CTNNA3: variants seen among roughly 807,000 people sequenced by gnomAD.
CTNNA3 encodes catenin alpha-3.
In CTNNA3, 76 loss-of-function variants were observed where a neutral mutation model predicts 95.7. The ratio of observed to expected loss-of-function variants is 0.79; its 90% confidence interval spans 0.66 to 0.96. The LOEUF (loss-of-function observed/expected upper bound fraction) is 0.96, where lower values mean the gene tolerates loss of function less well. Among genes scored for constraint, CTNNA3 ranks in the 40% least tolerant of loss-of-function variants. The pLI is 0.00. For synonymous variants in CTNNA3, 431 were observed against 374.4 expected (o/e 1.15, Z -1.74); for missense variants, 1,191 against 1,089.8 (o/e 1.09, Z -1.31).
chr10:66,709,454 T>A (rs1848221278), intron 9 of CTNNA3, among the ~76,000 whole-genome samples: 1 of 152,058 alleles, frequency 6.6e-6, no homozygotes, highest in Non-Finnish European at 1.5e-5. Flanking sequence ...CCCTTGGCAA[T>A]ATGGAAAGCC....
At chr10:67,698,072 T>C (rs898871444), upstream of CTNNA3, among the ~76,000 whole-genome samples, 3 of 152,232 alleles carry the variant, frequency 2.0e-5, no homozygotes, top group African/African-American at 7.2e-5. Context: ...ATCCTGGCCC[T>C]CTTCCAGATT....
At chr10:67,382,406 A>G (rs1291174514) in intron 5 of CTNNA3, among the ~76,000 whole-genome samples, 1 of 152,244 alleles carries the variant, frequency 6.6e-6, no homozygotes, top group East Asian at 1.9e-4. Flanking sequence ...TAGGATAAAT[A>G]CATGTATAAA....
At chr10:66,654,276 A>T (rs956063160) in intron 9 of CTNNA3, among the ~76,000 whole-genome samples, 8 of 152,000 alleles carry the variant, frequency 5.3e-5, no homozygotes, top group Admixed American at 2.0e-4. Context: ...TAACCCAATT[A>T]AAAAAATAGG....
chr10:65,978,703 C>A (rs569881239), intron 16 of CTNNA3, among the ~76,000 whole-genome samples: 1 of 152,124 alleles, frequency 6.6e-6, no homozygotes, highest in Non-Finnish European at 1.5e-5. Context: ...TGCCTACTCA[C>A]CTATTCAACT....
chr10:66,709,669 T>C (rs1564632344), intron 9 of CTNNA3, among the ~76,000 whole-genome samples: 3 of 152,154 alleles, frequency 2.0e-5, no homozygotes, highest in Admixed American at 1.3e-4. Flanking sequence ...TGGTGTTGTT[T>C]ATTACAAACA....
chr10:66,356,126 T>G (rs1482669129), intron 12 of CTNNA3, among the ~76,000 whole-genome samples: 15 of 145,228 alleles, frequency 1.0e-4, no homozygotes, highest in African/African-American at 3.8e-4. Flanking sequence ...TGTTTTGTTT[T>G]TTTTTTTTTT....
At chr10:66,901,970 G>C (rs1197711782) in intron 7 of CTNNA3, among the ~76,000 whole-genome samples, 4 of 152,150 alleles carry the variant, frequency 2.6e-5, no homozygotes, top group Non-Finnish European at 5.9e-5. Flanking sequence ...ACAGATCAAT[G>C]AGACAGAAGG....
At chr10:65,986,074 G>C (rs1220427603) in intron 16 of CTNNA3, among the ~76,000 whole-genome samples, 1 of 151,056 alleles carries the variant, frequency 6.6e-6, no homozygotes, top group Non-Finnish European at 1.5e-5. Flanking sequence ...AATGTCAAAA[G>C]TGTAATAAAA....
chr10:67,513,396 G>T (rs1839703655), intron 5 of CTNNA3, among the ~76,000 whole-genome samples: 1 of 152,228 alleles, frequency 6.6e-6, no homozygotes, highest in Non-Finnish European at 1.5e-5. Context: ...AACACTCAAA[G>T]AAGTTCACTC....
At chr10:66,048,168 G>A (rs1245944730) in intron 15 of CTNNA3, among the ~76,000 whole-genome samples, 1 of 152,112 alleles carries the variant, frequency 6.6e-6, no homozygotes, top group Non-Finnish European at 1.5e-5. Flanking sequence ...GAATAGCCAA[G>A]GCAATCCTAA....
intron 7 of CTNNA3, among the ~76,000 whole-genome samples, chr10:66,884,540 C>T (rs942667512): frequency 6.6e-6 from 1 of 152,090 alleles, no homozygotes; most frequent in African/African-American, 2.4e-5. Context: ...TGTGAATGAG[C>T]CATCTTGGAA....
At chr10:67,651,175 G>T (rs1839869067) in intron 1 of CTNNA3, among the ~76,000 whole-genome samples, 1 of 151,840 alleles carries the variant, frequency 6.6e-6, no homozygotes, top group Non-Finnish European at 1.5e-5. Context: ...TTTGTAAGGT[G>T]ATGGCTGATT....
At chr10:67,157,296 C>T (rs991797948) in intron 7 of CTNNA3, among the ~76,000 whole-genome samples, 6 of 152,008 alleles carry the variant, frequency 3.9e-5, no homozygotes, top group Non-Finnish European at 7.4e-5. Context: ...AATCAACATA[C>T]AAATAAGTAT....
chr10:66,885,931 A>G (rs188238625), intron 7 of CTNNA3, among the ~76,000 whole-genome samples: 113 of 152,262 alleles, frequency 7.4e-4, no homozygotes, highest in African/African-American at 2.6e-3. Flanking sequence ...CTGCCCAACC[A>G]ACTTTCTTCA....
chr10:66,981,651 T>A (rs921774041), intron 7 of CTNNA3, among the ~76,000 whole-genome samples: 4 of 152,252 alleles, frequency 2.6e-5, no homozygotes, highest in Non-Finnish European at 4.4e-5. Flanking sequence ...ACATATTGAA[T>A]GGCAGTAATG....
intron 7 of CTNNA3, among the ~76,000 whole-genome samples, chr10:67,100,631 CT>C (rs1470398016): frequency 6.6e-6 from 1 of 151,618 alleles, no homozygotes; most frequent in Non-Finnish European, 1.5e-5. Context: ...GAAATGTTTA[CT>C]TATGTTTGGA....
intron 11 of CTNNA3, among the ~76,000 whole-genome samples, chr10:66,513,659 A>G (rs1840739716): frequency 2.0e-5 from 3 of 152,140 alleles, no homozygotes. Flanking sequence ...TTTGGGGATC[A>G]GTGTTCATGG....
chr10:67,108,193 A>G (rs1377760847), intron 7 of CTNNA3, among the ~76,000 whole-genome samples: 1 of 152,208 alleles, frequency 6.6e-6, no homozygotes. Flanking sequence ...TTTCTGCCTT[A>G]AAAGTATAAA....
intron 7 of CTNNA3, among the ~76,000 whole-genome samples, chr10:66,966,637 G>C (rs1438228630): frequency 6.6e-6 from 1 of 152,028 alleles, no homozygotes; most frequent in Non-Finnish European, 1.5e-5. Flanking sequence ...CGGCGAGGGG[G>C]AAGCAGTGGC....
Sources: gnomAD v4.1 joint callset for allele counts (sites outside exome capture counted in the v4.1 genomes callset) on GRCh38, gnomAD v4.1.1 for gene constraint, MANE v1.5 for transcripts, NCBI Gene and HGNC (gene_info 2026-07-23, HGNC 2026-07-21) for gene names.